The following CR2 variants were observed in gnomAD, a reference collection of about 807,000 sequenced individuals.
CR2 encodes the protein complement C3d receptor 2.
CR2 carries 96 observed loss-of-function variants against 123.0 expected under a neutral mutation model. The ratio of observed to expected loss-of-function variants is 0.78; its 90% CI spans 0.66 to 0.93. The LOEUF is 0.93. Among genes scored for constraint, CR2 ranks in the 40% least tolerant of loss-of-function variants. The pLI, the probability that CR2 is intolerant of heterozygous loss-of-function variation, is 0.00. For missense variants in CR2, 1,258 were observed against 1,361.0 expected (o/e 0.92, Z 1.19); for synonymous variants, 484 against 469.5 (o/e 1.03, Z -0.40).
chr1:207,483,144 T>A lies in CR2; in HGVS notation c.3189-2320T>A, dbSNP rs142084919. On this transcript the variant is annotated intron_variant, in intron 18 of 19. Coordinates refer to ENST00000367057, the MANE Select transcript of CR2 (RefSeq NM_001006658.3). ...GATAATCCAATGAAGTCTTACCAAC[T>A]CTCAGGTAGCTCCGAGTGGGGAGAT... 5.1e-3 allele frequency among the ~76,000 whole-genome samples: 779 copies of A among 152,222 alleles called. 7 individuals are homozygous for A. Among genetic ancestry groups the A allele is most frequent in the African/African-American group, 0.018 (768 of 41,528 alleles).
At position 207,468,571 on chromosome 1, in the gene CR2, C is replaced by T. The variant is rs1355131053; in HGVS notation, c.490C>T (p.His164Tyr). ...AGCACTTCCTATGATCCACAATGGA[C>T]ATCACACAAGTGAGAATGTTGGCTC... Reference protein sequence around the residue: ...CPALPMIHNGHHTSENVGSIA... With the variant: ...CPALPMIHNGYHTSENVGSIA... Residue 164 changes from histidine (H) to tyrosine (Y), a missense_variant, in exon 3 of 20, where the codon CAT (histidine) becomes TAT (tyrosine). By Grantham distance (83) the His-to-Tyr change is moderately conservative. Coordinates refer to ENST00000367057, the MANE Select transcript of CR2 (RefSeq NM_001006658.3). 2 of 1,613,968 alleles carry T rather than the reference C, an allele frequency of 1.2e-6. No homozygotes were observed. The highest frequency in any genetic ancestry group is 2.2e-5 in the South Asian group (2 of 91,076).
At chr1:207,469,065 G>T in intron 4 of CR2, 85 bp from the exon 5 acceptor site, 1 of 1,385,406 alleles carries the variant, frequency 7.2e-7, no homozygotes, top group South Asian at 1.2e-5. Context: ...TGATTGAAAT[G>T]AACTTGTCTT....
rs373293174 is a variant in CR2 at position 207,472,854 on chromosome 1, G to T, written c.1653G>T (p.Thr551=). 1 of 1,613,788 alleles carries T rather than the reference G, an allele frequency of 6.2e-7. No individual in the cohort carries two copies. Among genetic ancestry groups the T allele is most frequent in the African/African-American group, 1.3e-5 (1 of 74,854 alleles). ...TAGAAGATTTTCCATATGGAACCAC[G>T]GTCACTTACACATGTAACCCTGGGC... is the stretch of plus-strand genomic sequence containing the variant. ...SSLEDFPYGT[T]VTYTCNPGPE... is the part of the protein sequence containing the mutation. Residue 551 remains threonine, a synonymous_variant, in exon 10 of 20, where the codon ACG becomes ACT. Transcript: ENST00000367057.
At chr1:207,485,653 G>T in intron 19 of CR2, 81 bp downstream of exon 19, 1 of 800,684 alleles carries the variant, frequency 1.2e-6, no homozygotes, top group Non-Finnish European at 2.2e-6. Flanking sequence ...TAGCATTCAC[G>T]GTGTATATAC....
intron 19 of CR2, among the ~76,000 whole-genome samples, chr1:207,486,934 C>G (rs1452953591): frequency 6.6e-6 from 1 of 152,132 alleles, no homozygotes; most frequent in African/African-American, 2.4e-5. Flanking sequence ...AGCTGATGTA[C>G]AAGTCTGTAT....
At chr1:207,456,844 G>T (rs545201529) in intron 1 of CR2, among the ~76,000 whole-genome samples, 77 of 152,244 alleles carry the variant, frequency 5.1e-4, no homozygotes, top group African/African-American at 1.8e-3. Flanking sequence ...GAAATTCTCT[G>T]TACCCCACTC....
rs1033084410 is a variant in CR2, at chr1:207,479,310, C to A, written c.3112+30C>A. The A allele has an allele frequency of 3.3e-6, 5 of 1,536,794 alleles. No homozygotes were observed. The African/African-American group carries it at 4.1e-5, about 13-fold the overall frequency. The stretch of plus-strand genomic sequence containing the variant: ...GTCTTCTTAAATACTTGAAGAAAAG[C>A]TCTTATAATATTTTTTAAAAATATG... On this transcript the variant is annotated intron_variant, in intron 17 of 19. Transcript: ENST00000367057.
Position 207,468,913 on chromosome 1 carries a change from T to A in CR2, c.734+14T>A. On this transcript the variant is annotated intron_variant, in intron 4 of 19. Transcript: ENST00000367057. The stretch of plus-strand genomic sequence containing the variant: ...CTGTGATGAAGGGTGAGTGTCAGGA[T>A]TATTTATGAGATTTAATTCATTTGT... 6.2e-7 allele frequency: 1 copy of A among 1,611,254 alleles called. No homozygotes were observed. The highest frequency in any genetic ancestry group is 8.5e-7 in the Non-Finnish European group (1 of 1,177,608).
At chr1:207,474,206 G>A (rs930980667) in intron 12 of CR2, 35 bp from the exon 13 acceptor site, 1 of 1,483,230 alleles carries the variant, frequency 6.7e-7, no homozygotes, top group African/African-American at 1.4e-5. Flanking sequence ...ATGATATTGG[G>A]AACAGGAAAT....
chr1:207,466,981 C>A, intron 2 of CR2, 69 bp downstream of exon 2: 1 of 1,501,174 alleles, frequency 6.7e-7, no homozygotes. Context: ...ACGTTTTGTA[C>A]CCTCCTGAAG....
chr1:207,479,198 C>A, intron 16 of CR2, 59 bp from the exon 17 acceptor site: 1 of 1,292,986 alleles, frequency 7.7e-7, no homozygotes, highest in South Asian at 1.2e-5. Context: ...AAACGTGGGG[C>A]TACATTGAAT....
rs368883636 is a variant in CR2 at position 207,468,893 on chromosome 1, A to T, written c.728A>T (p.Asp243Val). 51 of 1,613,478 alleles carry T rather than the reference A, an allele frequency of 3.2e-5. No individual in the cohort carries two copies. The African/African-American group carries it at 5.7e-4, about 18-fold the overall frequency. ...RVGVTANFFCDEGYRLQGPPS... is the reference protein window; with the variant it reads ...RVGVTANFFCVEGYRLQGPPS... ...GGTGTAACTGCAAACTTTTTCTGTG[A>T]TGAAGGGTGAGTGTCAGGATTATTT... Residue 243 changes from aspartate (D) to valine (V), a missense_variant, in exon 4 of 20, where the codon GAT (aspartate) becomes GTT (valine). Asp to Val is a radical substitution (Grantham distance 152). Coordinates refer to ENST00000367057, the MANE Select transcript of CR2 (RefSeq NM_001006658.3).
intron 1 of CR2, among the ~76,000 whole-genome samples, chr1:207,463,401 A>G (rs1303698519): frequency 1.3e-5 from 2 of 152,178 alleles, no homozygotes; most frequent in African/African-American, 4.8e-5. Flanking sequence ...CACTGCTTCA[A>G]GATTACCAGC....
At chr1:207,480,103 G>A (rs372338248) in intron 18 of CR2, 50 bp downstream of exon 18, 30 of 1,359,586 alleles carry the variant, frequency 2.2e-5, no homozygotes, top group East Asian at 1.4e-4. Context: ...AAGTGGTTTC[G>A]GCTTCTTGTC....
At chr1:207,475,510 A>C (rs1658413211) in intron 14 of CR2, among the ~76,000 whole-genome samples, 1 of 152,206 alleles carries the variant, frequency 6.6e-6, no homozygotes, top group South Asian at 2.1e-4. Context: ...AAATGCACAT[A>C]CATTTTTGGC....
chr1:207,475,068 C>T lies in CR2; in HGVS notation c.2568C>T (p.Tyr856=), dbSNP rs749197917. 3 of 1,613,242 alleles carry T rather than the reference C, an allele frequency of 1.9e-6. No individual in the cohort carries two copies. In the African/African-American group the frequency reaches 4.0e-5, roughly 22 times the overall value. The stretch of plus-strand genomic sequence containing the variant: ...CTAATCCAGAAGTCAAACATGGGTA[C>T]AAGCTCAATAAAACACATTCTGCAT... ...RCPNPEVKHG[Y]KLNKTHSAYS... Residue 856 remains tyrosine, a synonymous_variant, in exon 14 of 20, where the codon TAC becomes TAT. Transcript: ENST00000367057.
chr1:207,463,013 T>A (rs1360649947), intron 1 of CR2, among the ~76,000 whole-genome samples: 1 of 152,168 alleles, frequency 6.6e-6, no homozygotes, highest in Non-Finnish European at 1.5e-5. Flanking sequence ...TGAGTAAACA[T>A]AAGCAGGCCT....
In CR2 at chr1:207,463,886, G is replaced by T. The variant is rs182195995; in HGVS notation, c.59-2640G>T. ...AATTCCTCTTGTCCCCTTCCAGAGG[G>T]AAATTGAGCATCTGCACACCAAAGT... is the stretch of plus-strand genomic sequence containing the variant. On this transcript the variant is annotated intron_variant, in intron 1 of 19. Coordinates refer to ENST00000367057, the MANE Select transcript of CR2 (RefSeq NM_001006658.3). Among the ~76,000 whole-genome samples the T allele has an allele frequency of 2.6e-3, 402 of 152,212 alleles. 5 individuals are homozygous for T. The highest frequency in any genetic ancestry group is 3.4e-3 in the Middle Eastern group (1 of 294).
chr1:207,481,154 T>G (rs1658592506), intron 18 of CR2, among the ~76,000 whole-genome samples: 1 of 152,124 alleles, frequency 6.6e-6, no homozygotes, highest in Admixed American at 6.6e-5. Flanking sequence ...TGCATATTAT[T>G]TTTAATTATT....
Sources: allele counts gnomAD v4.1 joint callset (sites outside exome capture counted in the v4.1 genomes callset), GRCh38; gene constraint gnomAD v4.1.1; transcripts MANE v1.5; gene names NCBI Gene and HGNC (gene_info 2026-07-23, HGNC 2026-07-21).